AKAP6: variants seen among roughly 807,000 people sequenced by gnomAD.
AKAP6 encodes the protein A-kinase anchor protein 6.
AKAP6 carries 58 observed loss-of-function variants against 188.5 expected under a neutral mutation model. That is an observed-to-expected ratio of 0.31 (90% CI 0.25 to 0.38). AKAP6 has a LOEUF of 0.38. AKAP6 is among the 10% of genes least tolerant of loss of function. The pLI is 1.00. For synonymous variants in AKAP6, 989 were observed against 998.6 expected (o/e 0.99, Z 0.18); for missense variants, 2,710 against 2,740.0 (o/e 0.99, Z 0.24).
intron 4 of AKAP6, among the ~76,000 whole-genome samples, chr14:32,564,173 T>C (rs1032529921): frequency 1.3e-5 from 2 of 152,152 alleles, no homozygotes; most frequent in African/African-American, 2.4e-5. Context: ...TAGAGAATAA[T>C]GACAAGAAGA....
chr14:32,560,080 G>A (rs1481600216), intron 4 of AKAP6, among the ~76,000 whole-genome samples: 1 of 151,908 alleles, frequency 6.6e-6, no homozygotes, highest in East Asian at 1.9e-4. Context: ...GAGATATAAG[G>A]AATTTAACAA....
intron 11 of AKAP6, among the ~76,000 whole-genome samples, chr14:32,773,307 T>C (rs2032955191): frequency 6.6e-6 from 1 of 152,226 alleles, no homozygotes; most frequent in African/African-American, 2.4e-5. Flanking sequence ...TTTCGGAGGA[T>C]TTTTCTATCT....
intron 8 of AKAP6, among the ~76,000 whole-genome samples, chr14:32,684,037 G>A (rs1889806911): frequency 6.6e-6 from 1 of 152,172 alleles, no homozygotes; most frequent in Non-Finnish European, 1.5e-5. Context: ...ATTCACTGAG[G>A]AGGGGAATGC....
intron 12 of AKAP6, among the ~76,000 whole-genome samples, chr14:32,794,066 A>C (rs1347743891): frequency 6.6e-6 from 1 of 152,252 alleles, no homozygotes; most frequent in Admixed American, 6.5e-5. Flanking sequence ...TCAGTGCTGC[A>C]TGGCACTTAC....
intron 12 of AKAP6, among the ~76,000 whole-genome samples, chr14:32,818,650 A>G (rs1251757518): frequency 6.6e-6 from 1 of 152,148 alleles, no homozygotes; most frequent in Non-Finnish European, 1.5e-5. Context: ...AGGTGCTGCT[A>G]TAAATTTTAT....
chr14:32,781,305 G>A (rs1026125439), intron 12 of AKAP6, among the ~76,000 whole-genome samples: 3 of 149,658 alleles, frequency 2.0e-5, no homozygotes, highest in African/African-American at 4.9e-5. Context: ...CCAAGATCGC[G>A]CCATTGCACT....
At chr14:32,403,307 A>T (rs1317151276) in intron 1 of AKAP6, 3 of 152,176 alleles carry the variant, frequency 2.0e-5, no homozygotes, top group African/African-American at 7.2e-5. Context: ...AGGTCCCGAG[A>T]TGTTGATAAT....
intron 1 of AKAP6, among the ~76,000 whole-genome samples, chr14:32,337,502 G>A (rs1199986849): frequency 6.6e-6 from 1 of 152,144 alleles, no homozygotes; most frequent in Non-Finnish European, 1.5e-5. Flanking sequence ...AATCAGATTG[G>A]TGAATTAAGA....
chr14:32,508,195 A>C (rs571890913), intron 2 of AKAP6, among the ~76,000 whole-genome samples: 2 of 152,358 alleles, frequency 1.3e-5, no homozygotes, highest in East Asian at 3.9e-4. Flanking sequence ...GTTGTTCTTA[A>C]CAAGAAAATC....
chr14:32,543,627 A>G (rs1406489367), intron 3 of AKAP6, among the ~76,000 whole-genome samples: 1 of 152,194 alleles, frequency 6.6e-6, no homozygotes, highest in Non-Finnish European at 1.5e-5. Context: ...TAACTTAACA[A>G]CAACAGGATG....
intron 2 of AKAP6, among the ~76,000 whole-genome samples, chr14:32,492,243 T>C (rs1430193787): frequency 6.6e-6 from 1 of 151,376 alleles, no homozygotes; most frequent in Non-Finnish European, 1.5e-5. Context: ...TCTAATTGCC[T>C]TCTCTCTCTT....
intron 3 of AKAP6, among the ~76,000 whole-genome samples, chr14:32,542,101 A>G (rs1325797153): frequency 6.6e-6 from 1 of 152,182 alleles, no homozygotes; most frequent in Non-Finnish European, 1.5e-5. Context: ...AAGCCTCTCA[A>G]CACCCCTATG....
rs1555338084 is a variant in AKAP6, at chr14:32,540,192, A to ATTTTTTTT, written c.576+4391_576+4392insTTTTTTTT. On this transcript the variant is annotated intron_variant, in intron 3 of 13. Transcript: ENST00000280979. ...TCTATATATATATATATATATATAT[A>ATTTTTTTT]TTTTAATTTTTTATTTTTTTTTTTG... 6.1e-4 allele frequency among the ~76,000 whole-genome samples: 75 copies of ATTTTTTTT among 123,426 alleles called. 1 individual carries two copies. Among genetic ancestry groups the ATTTTTTTT allele is most frequent in the Non-Finnish European group, 5.6e-4 (33 of 59,042 alleles). The allele number at this position is 123,426 out of a possible 152,430, so 81.0% of individuals were successfully genotyped here.
intron 5 of AKAP6, among the ~76,000 whole-genome samples, chr14:32,580,475 T>TA (rs1294931578): frequency 2.6e-5 from 4 of 152,070 alleles, no homozygotes; most frequent in Non-Finnish European, 5.9e-5. Context: ...CTCCTACACT[T>TA]AAAAAAACAG....
At chr14:32,771,085 T>C (rs1466670595) in intron 11 of AKAP6, among the ~76,000 whole-genome samples, 1 of 152,196 alleles carries the variant, frequency 6.6e-6, no homozygotes, top group African/African-American at 2.4e-5. Flanking sequence ...TGCCAGCACA[T>C]CCACTGATTT....
chr14:32,796,262 G>C (rs776219700), intron 12 of AKAP6, among the ~76,000 whole-genome samples: 73 of 152,240 alleles, frequency 4.8e-4, no homozygotes, highest in Admixed American at 2.1e-3. Flanking sequence ...ATTCTTCACA[G>C]AATTAGAAAA....
chr14:32,686,502 C>T (rs537540345), intron 8 of AKAP6, among the ~76,000 whole-genome samples: 3 of 152,208 alleles, frequency 2.0e-5, no homozygotes, highest in East Asian at 3.9e-4. Context: ...CCCAATTTTC[C>T]ATGATGTGAT....
chr14:32,331,932 G>A (rs1000142884), intron 1 of AKAP6, among the ~76,000 whole-genome samples: 3 of 152,076 alleles, frequency 2.0e-5, no homozygotes, highest in Non-Finnish European at 2.9e-5. Context: ...ATTCTTTGCC[G>A]ATAACTAGGC....
intron 12 of AKAP6, among the ~76,000 whole-genome samples, chr14:32,779,853 A>G (rs369495654): frequency 1.2e-3 from 182 of 152,266 alleles, no homozygotes; most frequent in African/African-American, 4.3e-3. Context: ...TATCAAAAGG[A>G]TAATGAATAA....
Sources: gnomAD v4.1 joint callset for allele counts (sites outside exome capture counted in the v4.1 genomes callset) on GRCh38, gnomAD v4.1.1 for gene constraint, MANE v1.5 for transcripts, NCBI Gene and HGNC (gene_info 2026-07-23, HGNC 2026-07-21) for gene names.